The following DOCK3 variants were observed in gnomAD, a reference collection of about 807,000 sequenced individuals.
The protein encoded by DOCK3 is dedicator of cytokinesis 3.
A neutral mutation model predicts 265.6 loss-of-function variants in DOCK3; 60 were observed. That is an observed-to-expected ratio of 0.23 (90% confidence interval 0.18 to 0.28). The LOEUF (loss-of-function observed/expected upper bound fraction) is 0.28. DOCK3 is among the 10% of genes least tolerant of loss of function. DOCK3 has a pLI of 1.00. For missense variants in DOCK3, 1,981 were observed against 2,594.3 expected, an observed-to-expected ratio of 0.76 and a Z score of 5.14; for synonymous variants, 881 against 938.0, an observed-to-expected ratio of 0.94 and a Z score of 1.11.
intron 3 of DOCK3, among the ~76,000 whole-genome samples, chr3:50,859,318 C>T (rs1312069405): frequency 2.0e-5 from 3 of 147,060 alleles, no homozygotes; most frequent in African/African-American, 5.0e-5. Context: ...CAGGTTTAAG[C>T]GATTCTCTCC....
At chr3:51,305,368 T>C (rs750888257) in intron 27 of DOCK3, among the ~76,000 whole-genome samples, 1 of 152,240 alleles carries the variant, frequency 6.6e-6, no homozygotes, top group Non-Finnish European at 1.5e-5. Context: ...GATGTTAATA[T>C]AGCCATACCA....
At chr3:50,993,971 T>C (rs889898098) in intron 5 of DOCK3, among the ~76,000 whole-genome samples, 5 of 152,126 alleles carry the variant, frequency 3.3e-5, no homozygotes, top group African/African-American at 9.7e-5. Flanking sequence ...GAAAAGGCTA[T>C]TGGTCCTAAC....
chr3:51,012,356 C>G (rs777730152), intron 5 of DOCK3, among the ~76,000 whole-genome samples: 3 of 152,172 alleles, frequency 2.0e-5, no homozygotes, highest in Non-Finnish European at 4.4e-5. Flanking sequence ...TGGCAGGCAC[C>G]CTCCTCCAGC....
At chr3:50,927,992 C>A (rs2050854463) in intron 4 of DOCK3, among the ~76,000 whole-genome samples, 1 of 151,708 alleles carries the variant, frequency 6.6e-6, no homozygotes, top group Non-Finnish European at 1.5e-5. Context: ...CTGTTTTTTT[C>A]CCCTGACCTG....
intron 26 of DOCK3, among the ~76,000 whole-genome samples, chr3:51,278,819 A>C (rs748284041): frequency 1.1e-4 from 16 of 152,192 alleles, no homozygotes. Context: ...ACCTTTTTAC[A>C]TAATGGACTT....
chr3:51,199,151 G>C (rs373352440), intron 12 of DOCK3, among the ~76,000 whole-genome samples: 2 of 152,174 alleles, frequency 1.3e-5, no homozygotes, highest in Admixed American at 6.5e-5. Flanking sequence ...CTGAGGTACC[G>C]GGTTCATCTC....
chr3:51,338,858 C>T (rs958307023), intron 36 of DOCK3, 77 bp from the exon 37 acceptor site: 7 of 1,282,220 alleles, frequency 5.5e-6, no homozygotes, highest in Admixed American at 2.0e-5. Context: ...AGCACACCCA[C>T]GGCTATGGCC....
In DOCK3 at chr3:51,374,939, T is replaced by G. The variant is rs2087980507; in HGVS notation, c.5412+352T>G. ...TCTGAGAAGGCAGTGGTGGACACATTGGTCTGGAAGATGTTCTTCCTCCCT... is the reference window on the plus strand; with the variant it reads ...TCTGAGAAGGCAGTGGTGGACACATGGGTCTGGAAGATGTTCTTCCTCCCT... On this transcript the variant is annotated intron_variant, in intron 50 of 52. Transcript: ENST00000266037. The surrounding 1 kb of genome is among the most constrained non-coding windows in gnomAD (Gnocchi z 4.8). Among the ~76,000 whole-genome samples, 1 of 152,236 alleles carries G rather than the reference T, an allele frequency of 6.6e-6. No homozygotes were observed. Among genetic ancestry groups the G allele is most frequent in the Non-Finnish European group, 1.5e-5 (1 of 68,042 alleles).
chr3:50,900,693 T>C, intron 4 of DOCK3: 1 of 451,960 alleles, frequency 2.2e-6, no homozygotes, highest in Admixed American at 2.4e-5. Flanking sequence ...GTTGATCTTA[T>C]TCCTTTCTGT....
intron 3 of DOCK3, among the ~76,000 whole-genome samples, chr3:50,868,648 A>G (rs1218732666): frequency 2.0e-5 from 3 of 152,116 alleles, no homozygotes; most frequent in African/African-American, 7.2e-5. Flanking sequence ...TGCTGAGATT[A>G]TAGGTGTGAG....
At chr3:51,294,945 A>AAAT (rs1452393989) in intron 27 of DOCK3, among the ~76,000 whole-genome samples, 3 of 152,240 alleles carry the variant, frequency 2.0e-5, no homozygotes, top group African/African-American at 7.2e-5. Flanking sequence ...TATGCTAATT[A>AAAT]GCCCAATTTG....
chr3:50,866,212 C>T (rs944330417), intron 3 of DOCK3, among the ~76,000 whole-genome samples: 11 of 151,990 alleles, frequency 7.2e-5, no homozygotes, highest in Admixed American at 1.3e-4. Context: ...CAGGGTCAGG[C>T]GCAGTGGCTC....
chr3:50,883,115 C>T (rs898699960), intron 3 of DOCK3, among the ~76,000 whole-genome samples: 4 of 151,578 alleles, frequency 2.6e-5, no homozygotes, highest in Admixed American at 6.6e-5. Context: ...CAGGGCCTGT[C>T]GTGGGGTGGG....
At chr3:51,354,220 A>ACCCC (rs144722987) in intron 40 of DOCK3, among the ~76,000 whole-genome samples, 20 of 129,428 alleles carry the variant, frequency 1.5e-4, no homozygotes, top group African/African-American at 3.5e-4. Flanking sequence ...CTTGATCACC[A>ACCCC]CCCCCCCCCC....
Position 51,381,279 on chromosome 3 carries a change from G to GCCT in DOCK3, c.5815_5817dup (p.Leu1939dup). ...CCACCCTACCTCCCTGTCCACTACA[G>GCCT]CCTCTCTGAGTCTGCCGTCCTGGAC... On this transcript the variant is annotated inframe_insertion, in exon 53 of 53. Transcript: ENST00000266037. This position sits in a 1 kb window ranked among gnomAD's most constrained non-coding sequence, Gnocchi z 5.6. 6.2e-7 allele frequency: 1 copy of GCCT among 1,613,788 alleles called. No individual in the cohort carries two copies. Among genetic ancestry groups the GCCT allele is most frequent in the East Asian group, 2.2e-5 (1 of 44,880 alleles).
At chr3:50,680,357 G>A (rs1354514846) in intron 1 of DOCK3, among the ~76,000 whole-genome samples, 1 of 151,140 alleles carries the variant, frequency 6.6e-6, no homozygotes, top group Non-Finnish European at 1.5e-5. Context: ...GATTACAGGT[G>A]TGCGCCGCCA....
chr3:51,379,662 G>A (rs1553617902), intron 51 of DOCK3: 7 of 982,410 alleles, frequency 7.1e-6, no homozygotes, highest in Non-Finnish European at 8.5e-6. Flanking sequence ...TGAGAAGATG[G>A]GCCATTCTCT....
chr3:51,165,947 T>C (rs536847750), intron 12 of DOCK3, among the ~76,000 whole-genome samples: 2 of 151,082 alleles, frequency 1.3e-5, no homozygotes, highest in East Asian at 1.9e-4. Context: ...AAAGAAAATA[T>C]ATAATTCCTC....
chr3:50,953,492 C>T (rs1317262297), intron 5 of DOCK3, among the ~76,000 whole-genome samples: 1 of 151,962 alleles, frequency 6.6e-6, no homozygotes, highest in Non-Finnish European at 1.5e-5. Flanking sequence ...CTCATAGGAA[C>T]AGGAAAGGTT....
Sources: allele counts gnomAD v4.1 joint callset (sites outside exome capture counted in the v4.1 genomes callset), GRCh38; gene constraint gnomAD v4.1.1; non-coding constraint Gnocchi (gnomAD v3.1); transcripts MANE v1.5; gene names NCBI Gene and HGNC (gene_info 2026-07-23, HGNC 2026-07-21).